Variants in PIGK observed in about 807,000 individuals in gnomAD.
The protein encoded by PIGK is phosphatidylinositol glycan anchor biosynthesis class K.
In PIGK, 42 loss-of-function variants were observed where a neutral mutation model predicts 50.6. The ratio of observed to expected loss-of-function variants is 0.83; its 90% CI spans 0.65 to 1.07. The LOEUF (loss-of-function observed/expected upper bound fraction) is 1.07, where lower values mean the gene tolerates loss of function less well. PIGK is among the 50% of genes least tolerant of loss of function. The pLI, the probability that PIGK is intolerant of heterozygous loss-of-function variation, is 0.00. For synonymous variants in PIGK, 151 were observed against 156.0 expected, an observed-to-expected ratio of 0.97 and a Z score of 0.24; for missense variants, 448 against 488.7, an observed-to-expected ratio of 0.92 and a Z score of 0.78.
At chr1:77,106,982 CTTCT>C (rs1422048689) in intron 10 of PIGK, among the ~76,000 whole-genome samples, 1 of 120,098 alleles carries the variant, frequency 8.3e-6, no homozygotes, top group Non-Finnish European at 1.7e-5. Context: ...TCTCTCTTTT[CTTCT>C]TTATTAGTCT....
At chr1:77,135,604 A>C (rs1654490672) in intron 9 of PIGK, among the ~76,000 whole-genome samples, 1 of 152,020 alleles carries the variant, frequency 6.6e-6, no homozygotes, top group Non-Finnish European at 1.5e-5. Flanking sequence ...TGATTAAAAA[A>C]TTATCATTAT....
chr1:77,173,624 G>A (rs1335380996), intron 3 of PIGK, among the ~76,000 whole-genome samples: 1 of 152,188 alleles, frequency 6.6e-6, no homozygotes, highest in Admixed American at 6.5e-5. Context: ...TAGTTCCTCT[G>A]TAAAGTTTTA....
At position 77,098,090 on chromosome 1, in the gene PIGK, C is replaced by T. The variant is rs192537042; in HGVS notation, c.1072-5600G>A. The stretch of plus-strand genomic sequence containing the variant: ...CAGGATTTAGTATATTATAAAAGGG[C>T]TATCACAGATCAGTGGGAAAGGGAA... On this transcript the variant is annotated intron_variant, in intron 10 of 10. Coordinates refer to ENST00000370812, the MANE Select transcript of PIGK (RefSeq NM_005482.3). 8.5e-5 allele frequency among the ~76,000 whole-genome samples: 13 copies of T among 152,186 alleles called. No homozygotes were observed. In the East Asian group the frequency reaches 2.3e-3, roughly 27 times the overall value.
At chr1:77,186,809 A>G (rs967831246) in intron 3 of PIGK, among the ~76,000 whole-genome samples, 1 of 152,170 alleles carries the variant, frequency 6.6e-6, no homozygotes, top group African/African-American at 2.4e-5. Flanking sequence ...CTGAGTGCCC[A>G]ATTTGCCAGC....
intron 10 of PIGK, among the ~76,000 whole-genome samples, chr1:77,116,124 A>G (rs1653955962): frequency 6.6e-6 from 1 of 152,156 alleles, no homozygotes; most frequent in Non-Finnish European, 1.5e-5. Flanking sequence ...GGAGGGACCT[A>G]AATTCATGAA....
chr1:77,123,563 A>G (rs747724147), intron 9 of PIGK, among the ~76,000 whole-genome samples: 3 of 148,078 alleles, frequency 2.0e-5, no homozygotes, highest in Non-Finnish European at 3.0e-5. Context: ...CTAATGATGG[A>G]AAAAAAAAAC....
At chr1:77,158,355 C>T (rs1486500231) in intron 8 of PIGK, among the ~76,000 whole-genome samples, 1 of 151,852 alleles carries the variant, frequency 6.6e-6, no homozygotes, top group African/African-American at 2.4e-5. Context: ...TACCCAGTCT[C>T]AGGTATTTCT....
rs572938178 is a variant in PIGK at position 77,116,465 on chromosome 1, G to A, written c.1071+5810C>T. Among the ~76,000 whole-genome samples, 5 of 152,032 alleles carry A rather than the reference G, an allele frequency of 3.3e-5. No individual in the cohort carries two copies. The South Asian group carries it at 6.3e-4, about 19-fold the overall frequency. On this transcript the variant is annotated intron_variant, in intron 10 of 10. Transcript: ENST00000370812. ...CTCCCAAAGTGCTGGGATTACAGGC[G>A]TGAGCCACCGTGCCTGGCCGAATTT...
intron 10 of PIGK, among the ~76,000 whole-genome samples, chr1:77,094,335 T>A (rs778306147): frequency 2.0e-5 from 3 of 152,074 alleles, no homozygotes; most frequent in Non-Finnish European, 2.9e-5. Flanking sequence ...CACAATTAGG[T>A]TACTACTGTA....
intron 1 of PIGK, among the ~76,000 whole-genome samples, chr1:77,218,591 T>G (rs1656640763): frequency 6.6e-6 from 1 of 152,128 alleles, no homozygotes; most frequent in Non-Finnish European, 1.5e-5. Context: ...AAGATAAAAC[T>G]TTGCACACGG....
chr1:77,133,493 C>G (rs1654428340), intron 9 of PIGK, among the ~76,000 whole-genome samples: 1 of 152,014 alleles, frequency 6.6e-6, no homozygotes, highest in Non-Finnish European at 1.5e-5. Context: ...CTTCTATATT[C>G]TGTGTTTTGT....
intron 3 of PIGK, chr1:77,195,349 G>A: frequency 7.9e-7 from 1 of 1,271,606 alleles, no homozygotes; most frequent in Non-Finnish European, 1.1e-6. Flanking sequence ...CCAGCGGGCG[G>A]AGGCACAGGC....
At position 77,219,387 on chromosome 1, in the gene PIGK, T is replaced by C. The variant is rs1261363106; in HGVS notation, c.16A>G (p.Ser6Gly). The change falls in exon 1 of 11, where the codon AGC becomes GGC. Residue 6 changes from serine (S) to glycine (G), a missense_variant. By Grantham distance (56) the Ser-to-Gly change is moderately conservative (BLOSUM62 0). Transcript: ENST00000370812. ...AAGACAGTCGCAGCCCGGCTGAGGC[T>C]GTCGGTGACGGCCATGTTTACCGGC... Reference protein sequence around the residue: MAVTDSLSRAATVLAT... With the variant: MAVTDGLSRAATVLAT... 6.2e-7 allele frequency: 1 copy of C among 1,613,596 alleles called. No individual in the cohort carries two copies. The highest frequency in any genetic ancestry group is 2.2e-5 in the East Asian group (1 of 44,844).
intron 9 of PIGK, among the ~76,000 whole-genome samples, chr1:77,149,844 G>A (rs755568982): frequency 1.3e-5 from 2 of 151,986 alleles, no homozygotes; most frequent in Non-Finnish European, 2.9e-5. Flanking sequence ...CATATGTTAG[G>A]TCACAAAACA....
chr1:77,212,514 C>T (rs1238223774), intron 1 of PIGK, among the ~76,000 whole-genome samples: 1 of 152,090 alleles, frequency 6.6e-6, no homozygotes, highest in East Asian at 1.9e-4. Flanking sequence ...CCTGTGTGTA[C>T]AAGCACACAC....
intron 5 of PIGK, among the ~76,000 whole-genome samples, chr1:77,164,179 G>T (rs988063801): frequency 6.6e-6 from 1 of 152,110 alleles, no homozygotes; most frequent in African/African-American, 2.4e-5. Flanking sequence ...TTCAATTACA[G>T]AAACCTATAT....
intron 3 of PIGK, among the ~76,000 whole-genome samples, chr1:77,172,747 C>T (rs1426839881): frequency 2.0e-5 from 3 of 151,878 alleles, no homozygotes; most frequent in African/African-American, 7.3e-5. Flanking sequence ...CACGGTGAAA[C>T]CCCGTCTCTA....
chr1:77,179,015 C>T lies in PIGK; in HGVS notation c.240-9620G>A, dbSNP rs148958554. Reference sequence around the variant, plus strand: ...GCCACTGTTTTGGACTGAGATCATGCGCTAGGCCCCAACAGACCACAAAAA... The same window carrying T: ...GCCACTGTTTTGGACTGAGATCATGTGCTAGGCCCCAACAGACCACAAAAA... On this transcript the variant is annotated intron_variant, in intron 3 of 10. Transcript: ENST00000370812. 3.9e-5 allele frequency among the ~76,000 whole-genome samples: 6 copies of T among 152,290 alleles called. No individual in the cohort carries two copies. The East Asian group carries it at 9.7e-4, about 25-fold the overall frequency.
intron 3 of PIGK, among the ~76,000 whole-genome samples, chr1:77,173,367 G>A (rs895130129): frequency 7.9e-5 from 12 of 152,034 alleles, no homozygotes; most frequent in East Asian, 5.8e-4. Context: ...ATTAGAATTC[G>A]GGTCCCCCAT....
Sources: gnomAD v4.1 joint callset for allele counts (sites outside exome capture counted in the v4.1 genomes callset) on GRCh38, gnomAD v4.1.1 for gene constraint, MANE v1.5 for transcripts, NCBI Gene and HGNC (gene_info 2026-07-23, HGNC 2026-07-21) for gene names.